The following CCDC85A variants were observed in gnomAD, a reference collection of about 807,000 sequenced individuals.
CCDC85A encodes the protein coiled-coil domain containing 85A, also known as coiled-coil domain-containing protein 85A.
CCDC85A carries 38 observed loss-of-function variants against 50.2 expected under a neutral mutation model. The ratio of observed to expected loss-of-function variants is 0.76; its 90% CI spans 0.58 to 0.99. The LOEUF is 0.99. Ranked by LOEUF, CCDC85A falls within the 50% of genes least tolerant of loss-of-function variation. The pLI is 0.00. For missense variants in CCDC85A, 820 were observed against 742.0 expected (o/e 1.11, Z -1.22); for synonymous variants, 366 against 301.4 (o/e 1.21, Z -2.22).
At chr2:56,367,867 A>T (rs952052002) in intron 3 of CCDC85A, among the ~76,000 whole-genome samples, 1 of 152,096 alleles carries the variant, frequency 6.6e-6, no homozygotes, top group African/African-American at 2.4e-5. Flanking sequence ...AGCTCTTTCC[A>T]TGTAAGTTTC....
At chr2:56,258,232 T>G (rs1670070610) in intron 2 of CCDC85A, among the ~76,000 whole-genome samples, 1 of 152,052 alleles carries the variant, frequency 6.6e-6, no homozygotes, top group South Asian at 2.1e-4. Flanking sequence ...ATGAAGCTGG[T>G]GCTGTGGTAC....
chr2:56,318,505 TTTTG>T (rs974540670), intron 2 of CCDC85A, among the ~76,000 whole-genome samples: 2 of 152,206 alleles, frequency 1.3e-5, no homozygotes, highest in African/African-American at 4.8e-5. Context: ...TTAAAGATAT[TTTTG>T]TTTATTTTCT....
intron 2 of CCDC85A, among the ~76,000 whole-genome samples, chr2:56,285,473 T>TATTAATAATATAATTAATTATATTATTA (rs2104119885): frequency 7.1e-6 from 1 of 140,450 alleles, no homozygotes; most frequent in African/African-American, 2.8e-5. Flanking sequence ...TTATTAATTA[T>TATTAATAATATAATTAATTATATTATTA]ATTATATTAA....
intron 1 of CCDC85A, among the ~76,000 whole-genome samples, chr2:56,190,523 G>GGGATGATCTTACTGCAA (rs1256665992): frequency 6.6e-6 from 1 of 152,206 alleles, no homozygotes; most frequent in Non-Finnish European, 1.5e-5. Flanking sequence ...ATTGCAGTAA[G>GGGATGATCTTACTGCAA]TCTGAGGGAT....
chr2:56,334,719 A>AT (rs370456473), intron 2 of CCDC85A, among the ~76,000 whole-genome samples: 16 of 152,352 alleles, frequency 1.1e-4, no homozygotes, highest in African/African-American at 3.8e-4. Flanking sequence ...ATTTCTGATT[A>AT]TTGGAAAGCT....
intron 2 of CCDC85A, among the ~76,000 whole-genome samples, chr2:56,282,964 T>C (rs1671272376): frequency 6.6e-6 from 1 of 152,232 alleles, no homozygotes; most frequent in South Asian, 2.1e-4. Flanking sequence ...TTTTTTCTTC[T>C]AGTATATAGA....
rs183978679 is a variant in CCDC85A, at chr2:56,367,705, C to T, written c.1318-4639C>T. Among the ~76,000 whole-genome samples the T allele has an allele frequency of 2.9e-3, 444 of 152,126 alleles. 2 individuals are homozygous for T. The highest frequency in any genetic ancestry group is 0.01 in the African/African-American group (431 of 41,488). On this transcript the variant is annotated intron_variant, in intron 3 of 5. Transcript: ENST00000407595. ...GTTTTCTCTTGGGGGCCAAATCACCCCCGCCCCCAATGAGAACTGACACTC... is the reference window on the plus strand; with the variant it reads ...GTTTTCTCTTGGGGGCCAAATCACCTCCGCCCCCAATGAGAACTGACACTC...
chr2:56,365,997 C>G (rs183680806), intron 3 of CCDC85A, among the ~76,000 whole-genome samples: 1 of 151,986 alleles, frequency 6.6e-6, no homozygotes, highest in Admixed American at 6.6e-5. Context: ...TATATGAGTA[C>G]GATCATGCAG....
intron 2 of CCDC85A, among the ~76,000 whole-genome samples, chr2:56,314,765 G>A (rs1672847489): frequency 6.6e-6 from 1 of 152,126 alleles, no homozygotes; most frequent in Non-Finnish European, 1.5e-5. Context: ...CAGTTGGGTG[G>A]CCACAGAAGG....
intron 3 of CCDC85A, among the ~76,000 whole-genome samples, chr2:56,359,650 T>C (rs1675426126): frequency 6.6e-6 from 1 of 152,208 alleles, no homozygotes; most frequent in Non-Finnish European, 1.5e-5. Flanking sequence ...AAGAAAACCA[T>C]TTCTGGCTAA....
At chr2:56,252,236 C>T (rs1418854243) in intron 2 of CCDC85A, among the ~76,000 whole-genome samples, 1 of 152,048 alleles carries the variant, frequency 6.6e-6, no homozygotes, top group Non-Finnish European at 1.5e-5. Flanking sequence ...TTAGTAGAGA[C>T]AGGGTTTCCC....
At chr2:56,264,797 A>G (rs1670366803) in intron 2 of CCDC85A, among the ~76,000 whole-genome samples, 1 of 152,098 alleles carries the variant, frequency 6.6e-6, no homozygotes, top group Admixed American at 6.6e-5. Flanking sequence ...CTCACCTCCC[A>G]GCATGCTCCA....
intron 2 of CCDC85A, among the ~76,000 whole-genome samples, chr2:56,334,180 T>C (rs1243213963): frequency 6.6e-6 from 1 of 152,212 alleles, no homozygotes; most frequent in South Asian, 2.1e-4. Context: ...CATAAAATAT[T>C]GTATTTGGTT....
chr2:56,262,507 A>C (rs1670261975), intron 2 of CCDC85A, among the ~76,000 whole-genome samples: 1 of 152,162 alleles, frequency 6.6e-6, no homozygotes, highest in African/African-American at 2.4e-5. Flanking sequence ...CTTCTGGATA[A>C]GTTGGTGTGA....
chr2:56,374,534 C>T (rs1468458773), intron 4 of CCDC85A, among the ~76,000 whole-genome samples: 2 of 152,128 alleles, frequency 1.3e-5, no homozygotes, highest in African/African-American at 2.4e-5. Context: ...CTTGGCTGAG[C>T]AGGATTGCTC....
In CCDC85A at chr2:56,317,994, A is replaced by C. The variant is rs537849259; in HGVS notation, c.1241-24885A>C. ...TCTGCTATGCATTTCATCTACTCAA[A>C]CACCTTCTTTTAGCATTTTTGTGTA... On this transcript the variant is annotated intron_variant, in intron 2 of 5. Transcript: ENST00000407595. Among the ~76,000 whole-genome samples, 22 of 152,218 alleles carry C rather than the reference A, an allele frequency of 1.4e-4. No homozygotes were observed. In the South Asian group the frequency reaches 4.6e-3, roughly 32 times the overall value.
At chr2:56,248,428 C>T (rs557995234) in intron 2 of CCDC85A, among the ~76,000 whole-genome samples, 41 of 152,234 alleles carry the variant, frequency 2.7e-4, no homozygotes, top group African/African-American at 5.5e-4. Context: ...AGCAGACAGG[C>T]CCTTGGTGTC....
At chr2:56,232,361 C>T (rs1668810472) in intron 2 of CCDC85A, among the ~76,000 whole-genome samples, 1 of 152,120 alleles carries the variant, frequency 6.6e-6, no homozygotes, top group African/African-American at 2.4e-5. Flanking sequence ...TCCTAGTTGC[C>T]TTTGATTCCT....
intron 1 of CCDC85A, among the ~76,000 whole-genome samples, chr2:56,186,341 T>C (rs1676046272): frequency 6.6e-6 from 1 of 152,088 alleles, no homozygotes; most frequent in Admixed American, 6.6e-5. Context: ...GCCAGGAGGG[T>C]GAGCTTGGGT....
Sources: allele counts gnomAD v4.1 joint callset (sites outside exome capture counted in the v4.1 genomes callset), GRCh38; gene constraint gnomAD v4.1.1; transcripts MANE v1.5; gene names NCBI Gene and HGNC (gene_info 2026-07-23, HGNC 2026-07-21).